FHIT: variants seen among roughly 807,000 people sequenced by gnomAD.
FHIT encodes the protein bis(5'-adenosyl)-triphosphatase.
Under a neutral mutation model 17.9 loss-of-function variants are expected in FHIT, and 19 were observed. That is an observed-to-expected ratio of 1.06 (90% CI 0.74 to 1.56). FHIT has a LOEUF of 1.56. Among genes scored for constraint, FHIT ranks in the 40% most tolerant of loss-of-function variants. The pLI, the probability that FHIT is intolerant of heterozygous loss-of-function variation, is 0.00. For missense variants in FHIT, 248 were observed against 189.2 expected, an observed-to-expected ratio of 1.31 and a Z score of -1.82; for synonymous variants, 81 against 69.7, an observed-to-expected ratio of 1.16 and a Z score of -0.81.
intron 3 of FHIT, among the ~76,000 whole-genome samples, chr3:60,890,399 C>A (rs1462133867): frequency 6.6e-6 from 1 of 152,140 alleles, no homozygotes; most frequent in Admixed American, 6.5e-5. Context: ...CAGCCTACAC[C>A]AAATGGAGCG....
chr3:60,965,453 T>C (rs1709682165), intron 3 of FHIT, among the ~76,000 whole-genome samples: 1 of 152,248 alleles, frequency 6.6e-6, no homozygotes, highest in Non-Finnish European at 1.5e-5. Context: ...AAAGTCATTC[T>C]CCATCCAGCT....
At chr3:60,966,404 C>CTCAAA (rs1444831467) in intron 3 of FHIT, among the ~76,000 whole-genome samples, 1 of 152,242 alleles carries the variant, frequency 6.6e-6, no homozygotes, top group African/African-American at 2.4e-5. Flanking sequence ...GGCGATGTCC[C>CTCAAA]GCCCTGCTTT....
chr3:60,084,648 G>A, intron 5 of FHIT, among the ~76,000 whole-genome samples: 1 of 152,118 alleles, frequency 6.6e-6, no homozygotes, highest in East Asian at 1.9e-4. Context: ...AGATGAGACA[G>A]AGAAAATGAT....
At chr3:60,645,126 C>T (rs1373505817) in intron 4 of FHIT, among the ~76,000 whole-genome samples, 2 of 152,136 alleles carry the variant, frequency 1.3e-5, no homozygotes, top group African/African-American at 4.8e-5. Context: ...TCATATGCTA[C>T]TTTTCCATGA....
chr3:61,000,601 C>A lies in FHIT; in HGVS notation c.-111+41446G>T, dbSNP rs539718115. On this transcript the variant is annotated intron_variant, in intron 3 of 9. Coordinates refer to ENST00000492590, the MANE Select transcript of FHIT (RefSeq NM_002012.4). ...CCCTCTAAATACCCTGGAAGTTATT[C>A]AACGGGAAGTGATAAAGAACTCTAA... is the stretch of plus-strand genomic sequence containing the variant. 7.9e-5 allele frequency among the ~76,000 whole-genome samples: 12 copies of A among 152,148 alleles called. No homozygotes were observed. The East Asian group carries it at 2.3e-3, about 29-fold the overall frequency.
intron 5 of FHIT, among the ~76,000 whole-genome samples, chr3:60,405,909 A>C (rs563218499): frequency 6.6e-6 from 1 of 152,272 alleles, no homozygotes; most frequent in South Asian, 2.1e-4. Context: ...TCTAAGCTCC[A>C]ATTTTCCCAT....
At chr3:60,274,824 A>G (rs1419333800) in intron 5 of FHIT, among the ~76,000 whole-genome samples, 2 of 152,194 alleles carry the variant, frequency 1.3e-5, no homozygotes, top group Admixed American at 6.5e-5. Flanking sequence ...CAGCCTATGT[A>G]TTGAAGACTT....
At chr3:60,460,163 G>T (rs1459858165) in intron 5 of FHIT, among the ~76,000 whole-genome samples, 1 of 152,150 alleles carries the variant, frequency 6.6e-6, no homozygotes, top group Non-Finnish European at 1.5e-5. Flanking sequence ...TATCAAACTT[G>T]TCTTGAACTT....
At chr3:60,771,096 C>T (rs190603802) in intron 4 of FHIT, among the ~76,000 whole-genome samples, 319 of 152,336 alleles carry the variant, frequency 2.1e-3, no homozygotes, top group Non-Finnish European at 3.4e-3. Context: ...TTTCCAGAAT[C>T]CCACCTGCAT....
chr3:61,130,195 A>G (rs2036723924), intron 2 of FHIT, among the ~76,000 whole-genome samples: 1 of 151,906 alleles, frequency 6.6e-6, no homozygotes, highest in South Asian at 2.1e-4. Flanking sequence ...AATAAATGCT[A>G]TAGGAGGTCC....
chr3:60,955,682 A>G (rs1420818173), intron 3 of FHIT, among the ~76,000 whole-genome samples: 3 of 146,272 alleles, frequency 2.1e-5, no homozygotes, highest in Non-Finnish European at 4.5e-5. Flanking sequence ...AAAATGATAA[A>G]AGAAAAGCAA....
intron 8 of FHIT, among the ~76,000 whole-genome samples, chr3:59,767,285 G>C (rs1198844180): frequency 1.3e-5 from 2 of 152,174 alleles, no homozygotes; most frequent in Non-Finnish European, 1.5e-5. Context: ...GATCACCTGA[G>C]GTCAGGAGTT....
At chr3:59,890,562 G>T (rs1008048843) in intron 8 of FHIT, among the ~76,000 whole-genome samples, 1 of 152,104 alleles carries the variant, frequency 6.6e-6, no homozygotes, top group African/African-American at 2.4e-5. Context: ...TAATTCATAT[G>T]CAAAATGGGA....
At chr3:59,933,658 T>A (rs144410814) in intron 7 of FHIT, among the ~76,000 whole-genome samples, 2 of 152,292 alleles carry the variant, frequency 1.3e-5, no homozygotes, top group East Asian at 1.9e-4. Context: ...TGCCCCAGTC[T>A]GTTTGGAACC....
At chr3:59,923,041 C>G (rs922505470) in intron 7 of FHIT, among the ~76,000 whole-genome samples, 24 of 151,802 alleles carry the variant, frequency 1.6e-4, no homozygotes, top group Middle Eastern at 3.4e-3. Flanking sequence ...GGGCGGATCA[C>G]GAGGTCAGGA....
rs1317600447 is a variant in FHIT at position 59,765,912 on chromosome 3, GT to G, written c.349-13592del. 2.0e-5 allele frequency among the ~76,000 whole-genome samples: 3 copies of G among 152,152 alleles called. No homozygotes were observed. The East Asian group carries it at 5.8e-4, about 29-fold the overall frequency. On this transcript the variant is annotated intron_variant, in intron 8 of 9. Transcript: ENST00000492590. ...GCTCAAGCAAAACAAATGTTTGATA[GT>G]GACACACAGCTCATAGGGAGAAATC...
chr3:60,389,713 CA>C (rs1701148733), intron 5 of FHIT, among the ~76,000 whole-genome samples: 1 of 152,256 alleles, frequency 6.6e-6, no homozygotes, highest in African/African-American at 2.4e-5. Context: ...ACCGTGTAGC[CA>C]TATTTCAAGC....
At chr3:60,127,632 C>CA (rs1176393659) in intron 5 of FHIT, among the ~76,000 whole-genome samples, 4 of 152,082 alleles carry the variant, frequency 2.6e-5, no homozygotes, top group Non-Finnish European at 4.4e-5. Flanking sequence ...GAAAGGGTCT[C>CA]ACTCTGTCAC....
chr3:60,487,920 C>T (rs961537429), intron 5 of FHIT, among the ~76,000 whole-genome samples: 7 of 152,142 alleles, frequency 4.6e-5, no homozygotes, highest in Admixed American at 3.9e-4. Flanking sequence ...CCAGCCAAAG[C>T]AAATAGAATT....
Sources: gnomAD v4.1 joint callset for allele counts (sites outside exome capture counted in the v4.1 genomes callset) on GRCh38, gnomAD v4.1.1 for gene constraint, MANE v1.5 for transcripts, NCBI Gene and HGNC (gene_info 2026-07-23, HGNC 2026-07-21) for gene names.